GZMK: variants seen among roughly 807,000 people sequenced by gnomAD.
The protein encoded by GZMK is NK-Tryp-2.
In GZMK, 18 loss-of-function variants were observed where a neutral mutation model predicts 22.8. That is an observed-to-expected ratio of 0.79 (90% CI 0.54 to 1.17). GZMK has a LOEUF of 1.17. Ranked by LOEUF, GZMK falls within the 50% of genes most tolerant of loss-of-function variation. The pLI, the probability that GZMK is intolerant of heterozygous loss-of-function variation, is 0.00. For missense variants in GZMK, 342 were observed against 320.2 expected (o/e 1.07, Z -0.52); for synonymous variants, 136 against 115.0 (o/e 1.18, Z -1.17).
At chr5:55,029,748 G>T (rs185371351) in intron 2 of GZMK, among the ~76,000 whole-genome samples, 1 of 152,170 alleles carries the variant, frequency 6.6e-6, no homozygotes, top group East Asian at 1.9e-4. Flanking sequence ...AGAGATGGGG[G>T]TCTCACTGTA....
At chr5:55,029,220 G>C (rs113037353) in intron 2 of GZMK, among the ~76,000 whole-genome samples, 4,464 of 151,480 alleles carry the variant, frequency 0.029, 93 homozygotes, top group Admixed American at 0.049. Context: ...GGGAAACAGA[G>C]CAAGACTCCT....
At chr5:55,030,946 C>T (rs1039202155) in intron 3 of GZMK, among the ~76,000 whole-genome samples, 1 of 152,208 alleles carries the variant, frequency 6.6e-6, no homozygotes, top group Non-Finnish European at 1.5e-5. Flanking sequence ...AACCAAGTGA[C>T]TTCGGGGGCT....
At chr5:55,028,299 T>A (rs1344601981) in intron 2 of GZMK, 1 of 152,198 alleles carries the variant, frequency 6.6e-6, no homozygotes, top group African/African-American at 2.4e-5. Flanking sequence ...TTTTATGTCA[T>A]CCTTCTCCTA....
chr5:55,025,753 C>T (rs969954127), intron 2 of GZMK: 1 of 152,184 alleles, frequency 6.6e-6, no homozygotes, highest in African/African-American at 2.4e-5. Context: ...GCTCTCCAGG[C>T]ATTGTCTATA....
intron 4 of GZMK, among the ~76,000 whole-genome samples, chr5:55,033,030 GA>G (rs1741257802): frequency 6.6e-6 from 1 of 152,158 alleles, no homozygotes; most frequent in African/African-American, 2.4e-5. Context: ...TTTGCAATGT[GA>G]ACATTAGCAA....
At chr5:55,033,034 A>G (rs1359359835) in intron 4 of GZMK, among the ~76,000 whole-genome samples, 1 of 152,214 alleles carries the variant, frequency 6.6e-6, no homozygotes, top group Non-Finnish European at 1.5e-5. Flanking sequence ...CAATGTGAAC[A>G]TTAGCAAAGA....
rs1450486614 is a variant in GZMK at position 55,031,713 on chromosome 5, G to A, written c.633+80G>A. ...TCTATTGCTCACTGACACTGAGGAG[G>A]AGGGAGGGGCATGGAGAATACAAAA... On this transcript the variant is annotated intron_variant, in intron 4 of 4. Coordinates refer to ENST00000231009, the MANE Select transcript of GZMK (RefSeq NM_002104.3). 3.5e-6 allele frequency: 4 copies of A among 1,149,778 alleles called. No individual in the cohort carries two copies. The East Asian group carries it at 9.4e-5, about 27-fold the overall frequency. 71.2% of individuals were successfully genotyped at this position (1,149,778 alleles called of 1,614,324 possible).
intron 2 of GZMK, among the ~76,000 whole-genome samples, chr5:55,029,904 G>A (rs946494465): frequency 3.9e-5 from 6 of 152,176 alleles, no homozygotes; most frequent in African/African-American, 1.4e-4. Flanking sequence ...AAAAGTTCTG[G>A]GGTTCTGGAG....
intron 3 of GZMK, 33 bp downstream of exon 3, chr5:55,030,617 T>A (rs745530903): frequency 6.4e-7 from 1 of 1,565,296 alleles, no homozygotes. Flanking sequence ...TTCTATTTTG[T>A]CAACATTTTT....
Position 55,030,510 on chromosome 5 carries a change from C to T in GZMK, c.289C>T (p.Leu97=). 6.2e-7 allele frequency: 1 copy of T among 1,611,214 alleles called. No homozygotes were observed. The highest frequency in any genetic ancestry group is 8.5e-7 in the Non-Finnish European group (1 of 1,177,294). The change falls in exon 3 of 5, where the codon CTG becomes TTG. Residue 97 remains leucine (L), a synonymous_variant. Transcript: ENST00000231009. The part of the protein sequence containing the change: ...LSKNEASKQT[L]EIKKFIPFSR... ...AAAGAATGAGGCCTCCAAACAAACACTGGAGATCAAAAAATTTATACCATT... is the reference window on the plus strand; with the variant it reads ...AAAGAATGAGGCCTCCAAACAAACATTGGAGATCAAAAAATTTATACCATT...
rs116323302 is a variant in GZMK, at chr5:55,024,281, T to A, written c.-42T>A. The stretch of plus-strand genomic sequence containing the variant: ...AGAATCTTCTTCCTTCATCACAGGA[T>A]CAACACATTTCATCTGGGCTTCTTA... On this transcript the variant is annotated 5_prime_UTR_variant, in exon 1 of 5. Transcript: ENST00000231009. The A allele has an allele frequency of 1.9e-3, 1,764 of 926,800 alleles. 33 individuals carry two copies. In the African/African-American group the frequency reaches 0.025, roughly 13 times the overall value. The allele number at this position is 926,800 out of a possible 1,614,324, so 57.4% of individuals were successfully genotyped here.
rs372016878 is a variant in GZMK, at chr5:55,033,872, C to T, written c.741C>T (p.Thr247=). ...ATKPGIYTLL[T]KKYQTWIKSN... ...AGCCTGGAATCTACACCCTGTTAAC[C>T]AAGAAATACCAGACTTGGATCAAAA... The change falls in exon 5 of 5, where the codon ACC becomes ACT. Residue 247 remains threonine, a synonymous_variant. Coordinates refer to ENST00000231009, the MANE Select transcript of GZMK (RefSeq NM_002104.3). 2.0e-5 allele frequency: 32 copies of T among 1,613,544 alleles called. No individual in the cohort carries two copies. Among genetic ancestry groups the T allele is most frequent in the Middle Eastern group, 1.6e-4 (1 of 6,082 alleles).
chr5:55,030,315 C>A, intron 2 of GZMK, 119 bp from the exon 3 acceptor site: 3 of 863,818 alleles, frequency 3.5e-6, no homozygotes, highest in Non-Finnish European at 5.5e-6. Flanking sequence ...TAATCTTAGG[C>A]AGGTTACCTT....
chr5:55,026,905 C>T (rs1741150206), intron 2 of GZMK: 1 of 152,300 alleles, frequency 6.6e-6, no homozygotes, highest in African/African-American at 2.4e-5. Context: ...CAGAGCACTT[C>T]CTCCTGCCCC....
In GZMK at chr5:55,031,409, A is replaced by G. The variant is rs758898648; in HGVS notation, c.409A>G (p.Ile137Val). The change falls in exon 4 of 5, where the codon ATA becomes GTA. Residue 137 changes from isoleucine to valine, a missense_variant. Physicochemically the swap from Ile to Val is conservative, Grantham distance 29. Coordinates refer to ENST00000231009, the MANE Select transcript of GZMK (RefSeq NM_002104.3). ...KLNKHVKMLH[I>V]RSKTSLRSGT... ...CAATAAACATGTCAAGATGCTCCACATAAGATCCAAAACCTCTCTTAGATC... is the reference window on the plus strand; with the variant it reads ...CAATAAACATGTCAAGATGCTCCACGTAAGATCCAAAACCTCTCTTAGATC... 14 of 1,613,526 alleles carry G rather than the reference A, an allele frequency of 8.7e-6. No individual in the cohort carries two copies. Among genetic ancestry groups the G allele is most frequent in the Non-Finnish European group, 1.1e-5 (13 of 1,179,382 alleles).
intron 4 of GZMK, 35 bp downstream of exon 4, chr5:55,031,668 C>T (rs751390705): frequency 6.9e-6 from 11 of 1,583,410 alleles, no homozygotes; most frequent in South Asian, 4.5e-5. Flanking sequence ...CATCTTGGAG[C>T]GCTGTACAGT....
intron 2 of GZMK, among the ~76,000 whole-genome samples, chr5:55,025,474 C>T (rs766182868): frequency 6.6e-6 from 1 of 152,156 alleles, no homozygotes; most frequent in Non-Finnish European, 1.5e-5. Flanking sequence ...TTTCTGAAGA[C>T]AGAGTAAAAC....
Position 55,030,477 on chromosome 5 carries a change from T to G in GZMK, c.256T>G (p.Ser86Ala). ...QSPTVVLGAH[S>A]LSKNEASKQT... ...TCCCACTGTGGTTTTAGGCGCACAC[T>G]CTCTCTCAAAGAATGAGGCCTCCAA... Residue 86 changes from serine to alanine, a missense_variant, in exon 3 of 5, where the codon TCT (serine) becomes GCT (alanine). Transcript: ENST00000231009. 6.2e-7 allele frequency: 1 copy of G among 1,613,554 alleles called. No homozygotes were observed. The highest frequency in any genetic ancestry group is 8.5e-7 in the Non-Finnish European group (1 of 1,179,496).
At chr5:55,033,386 A>G (rs751259225) in intron 4 of GZMK, among the ~76,000 whole-genome samples, 3 of 152,258 alleles carry the variant, frequency 2.0e-5, no homozygotes, top group Non-Finnish European at 4.4e-5. Context: ...TTAAAAGATT[A>G]TTTTATTTCA....
Sources: gnomAD v4.1 joint callset for allele counts (sites outside exome capture counted in the v4.1 genomes callset) on GRCh38, gnomAD v4.1.1 for gene constraint, MANE v1.5 for transcripts, NCBI Gene and HGNC (gene_info 2026-07-23, HGNC 2026-07-21) for gene names.